KANSL1L: variants seen among roughly 807,000 people sequenced by gnomAD.
The protein encoded by KANSL1L is KAT8 regulatory NSL complex subunit 1-like protein.
In KANSL1L, 25 loss-of-function variants were observed where a neutral mutation model predicts 108.6. The ratio of observed to expected loss-of-function variants is 0.23; its 90% CI spans 0.17 to 0.32. The LOEUF is 0.32. Ranked by LOEUF, KANSL1L falls within the 10% of genes least tolerant of loss-of-function variation. KANSL1L has a pLI of 1.00. For synonymous variants in KANSL1L, 405 were observed against 395.1 expected, an observed-to-expected ratio of 1.03 and a Z score of -0.30; for missense variants, 1,137 against 1,125.7, an observed-to-expected ratio of 1.01 and a Z score of -0.14.
intron 8 of KANSL1L, chr2:210,032,807 C>A (rs1176041056): frequency 6.6e-6 from 1 of 152,048 alleles, no homozygotes; most frequent in Non-Finnish European, 1.5e-5. Flanking sequence ...AATCTGAATA[C>A]CAACACAATC....
At chr2:210,035,616 C>G (rs1255803505) in intron 8 of KANSL1L, among the ~76,000 whole-genome samples, 1 of 152,028 alleles carries the variant, frequency 6.6e-6, no homozygotes, top group East Asian at 1.9e-4. Flanking sequence ...GTAGCTGGGA[C>G]CACAGGTGTG....
At chr2:210,148,743 C>T (rs1182240041) in intron 2 of KANSL1L, among the ~76,000 whole-genome samples, 3 of 152,000 alleles carry the variant, frequency 2.0e-5, no homozygotes, top group East Asian at 1.9e-4. Context: ...CAAAGTCAAG[C>T]GAAATATATA....
At chr2:210,070,104 C>A (rs1264681619) in intron 6 of KANSL1L, among the ~76,000 whole-genome samples, 1 of 151,690 alleles carries the variant, frequency 6.6e-6, no homozygotes, top group South Asian at 2.1e-4. Context: ...GCTGAGATTA[C>A]AGGCGTGAGC....
chr2:210,141,990 T>C (rs1291383872), intron 2 of KANSL1L, among the ~76,000 whole-genome samples: 1 of 151,868 alleles, frequency 6.6e-6, no homozygotes, highest in African/African-American at 2.4e-5. Context: ...CATTGGCCTA[T>C]AATCTTTTTT....
intron 1 of KANSL1L, among the ~76,000 whole-genome samples, chr2:210,162,170 T>C (rs1253751594): frequency 1.4e-5 from 2 of 146,174 alleles, no homozygotes; most frequent in Non-Finnish European, 3.0e-5. Flanking sequence ...TATCCAAGTG[T>C]ATTCATTATT....
intron 9 of KANSL1L, among the ~76,000 whole-genome samples, chr2:210,030,387 C>CG (rs1553640426): frequency 6.6e-6 from 1 of 151,474 alleles, no homozygotes; most frequent in Admixed American, 6.6e-5. Context: ...CTCTGGTACT[C>CG]TTTTTTTAAA....
chr2:210,142,936 T>C (rs2125598171), intron 2 of KANSL1L, among the ~76,000 whole-genome samples: 1 of 152,228 alleles, frequency 6.6e-6, no homozygotes, highest in South Asian at 2.1e-4. Flanking sequence ...GGATGGAATG[T>C]TCTATATATC....
At chr2:210,055,278 T>TA (rs2094338261) in intron 6 of KANSL1L, among the ~76,000 whole-genome samples, 2 of 152,266 alleles carry the variant, frequency 1.3e-5, no homozygotes, top group Admixed American at 1.3e-4. Context: ...TGCTGAACTG[T>TA]AAGTCAAACC....
chr2:210,058,271 T>G (rs2094377998), intron 6 of KANSL1L, among the ~76,000 whole-genome samples: 1 of 152,168 alleles, frequency 6.6e-6, no homozygotes, highest in Non-Finnish European at 1.5e-5. Context: ...ACTCCCAGGC[T>G]TATTAGGATG....
At position 210,022,925 on chromosome 2, in the gene KANSL1L, A is replaced by G. The variant is rs1409047742; in HGVS notation, c.*24T>C. 1 of 1,505,662 alleles carries G rather than the reference A, an allele frequency of 6.6e-7. No individual in the cohort carries two copies. Among genetic ancestry groups the G allele is most frequent in the Admixed American group, 1.7e-5 (1 of 59,408 alleles). 93.3% of individuals were successfully genotyped at this position (1,505,662 alleles called of 1,614,324 possible). A position where few individuals can be genotyped will look rare whatever the true frequency, so the allele number is the denominator to read the frequency against. ...TTCCTCCCATCTTTCCTACATTTACATAGTTTTCTTAACCTGTTCCCTGTC... is the reference window on the plus strand; with the variant it reads ...TTCCTCCCATCTTTCCTACATTTACGTAGTTTTCTTAACCTGTTCCCTGTC... On this transcript the variant is annotated 3_prime_UTR_variant, in exon 15 of 15. Transcript: ENST00000281772.
intron 2 of KANSL1L, among the ~76,000 whole-genome samples, chr2:210,147,108 A>G (rs1419168574): frequency 3.9e-5 from 6 of 152,198 alleles, no homozygotes; most frequent in African/African-American, 7.2e-5. Flanking sequence ...TTTAAAAACA[A>G]ATGAGCTTAT....
chr2:210,025,071 T>G, intron 13 of KANSL1L, 33 bp downstream of exon 13: 2 of 1,338,244 alleles, frequency 1.5e-6, no homozygotes, highest in Non-Finnish European at 2.2e-6. Flanking sequence ...TCACATGGAT[T>G]CTATGGCTTG....
At chr2:210,080,817 C>G (rs944169798) in intron 5 of KANSL1L, among the ~76,000 whole-genome samples, 1 of 151,896 alleles carries the variant, frequency 6.6e-6, no homozygotes, top group Admixed American at 6.6e-5. Flanking sequence ...TTTGCCTTAT[C>G]TGCTTGTGGC....
rs538537533 is a variant in KANSL1L, at chr2:210,059,215, G to C, written c.1756-15111C>G. ...TTCCTCCTTGTCATATTGGAGCACT[G>C]TCCTGAGGTGCCATGGAAGGAAGCC... is the stretch of plus-strand genomic sequence containing the variant. On this transcript the variant is annotated intron_variant, in intron 6 of 14. Coordinates refer to ENST00000281772, the MANE Select transcript of KANSL1L (RefSeq NM_152519.4). Among the ~76,000 whole-genome samples the C allele has an allele frequency of 3.3e-5, 5 of 151,712 alleles. No homozygotes were observed. In the South Asian group the frequency reaches 1.0e-3, roughly 32 times the overall value.
intron 1 of KANSL1L, among the ~76,000 whole-genome samples, chr2:210,162,450 T>TA (rs1401339042): frequency 6.6e-6 from 1 of 151,590 alleles, no homozygotes; most frequent in African/African-American, 2.4e-5. Flanking sequence ...AAGAAAAAAA[T>TA]AAAAATTTCT....
intron 11 of KANSL1L, chr2:210,028,582 A>G: frequency 3.3e-6 from 1 of 300,392 alleles, no homozygotes; most frequent in South Asian, 4.9e-5. Flanking sequence ...CATAGTAGAT[A>G]ACACTGGATA....
At chr2:210,153,016 T>A (rs1184934670) in intron 2 of KANSL1L, 1 of 153,584 alleles carries the variant, frequency 6.5e-6, no homozygotes, top group Non-Finnish European at 1.4e-5. Flanking sequence ...CACAATAATT[T>A]AACAAACAAA....
At chr2:210,165,756 C>T (rs72990864) in intron 1 of KANSL1L, among the ~76,000 whole-genome samples, 28,694 of 152,150 alleles carry the variant, frequency 0.19, 2,959 homozygotes, top group South Asian at 0.23. Context: ...TTAAGGAAAG[C>T]ATGAGTTACT....
chr2:210,113,633 A>G (rs1351284924), intron 3 of KANSL1L, among the ~76,000 whole-genome samples: 1 of 152,186 alleles, frequency 6.6e-6, no homozygotes, highest in African/African-American at 2.4e-5. Flanking sequence ...CAAAGACTTT[A>G]AAACAACTGT....
Sources: allele counts gnomAD v4.1 joint callset (sites outside exome capture counted in the v4.1 genomes callset), GRCh38; gene constraint gnomAD v4.1.1; transcripts MANE v1.5; gene names NCBI Gene and HGNC (gene_info 2026-07-23, HGNC 2026-07-21).